Variants in HUWE1 observed in about 807,000 individuals in gnomAD.
HUWE1 encodes HECT, UBA and WWE domain containing E3 ubiquitin protein ligase 1, also known as E3 ubiquitin-protein ligase HUWE1.
A neutral mutation model predicts 299.4 loss-of-function variants in HUWE1; 18 were observed. The observed-to-expected ratio is 0.06, with a 90% CI of 0.04 to 0.09. The LOEUF (loss-of-function observed/expected upper bound fraction) is 0.09, where lower values mean the gene tolerates loss of function less well. Ranked by LOEUF, HUWE1 falls within the 10% of genes least tolerant of loss-of-function variation. HUWE1 has a pLI of 1.00. For missense variants in HUWE1, 1,832 were observed against 3,462.3 expected (o/e 0.53, Z 11.82); for synonymous variants, 1,317 against 1,286.1 (o/e 1.02, Z -0.51).
chrX:53,579,431 C>A (rs1263693892), intron 43 of HUWE1, among the ~76,000 whole-genome samples: 3 of 112,129 alleles, frequency 2.7e-5, no homozygotes, highest in African/African-American at 9.7e-5. Flanking sequence ...CCGGCCACGA[C>A]CCCGTCTGGG....
In HUWE1 at chrX:53,535,512, CA is replaced by C; in HGVS notation, c.12532-12del. 9.4e-7 allele frequency: 1 copy of C among 1,066,309 alleles called. No homozygotes were observed. The highest frequency in any genetic ancestry group is 1.3e-6 in the Non-Finnish European group (1 of 764,405). 87.9% of individuals were successfully genotyped at this position (1,066,309 alleles called of 1,213,427 possible). A position where few individuals can be genotyped will look rare whatever the true frequency, so the allele number is the denominator to read the frequency against. On this transcript the variant is annotated splice_polypyrimidine_tract_variant and intron_variant, in intron 80 of 83. Coordinates refer to ENST00000262854, the MANE Select transcript of HUWE1 (RefSeq NM_031407.7). ...TCCAAACTCTTGGACCTAGAACAAC[CA>C]AAACACCAATCATACATATCAGACT...
intron 74 of HUWE1, among the ~76,000 whole-genome samples, chrX:53,541,848 G>A (rs1413102471): frequency 9.0e-6 from 1 of 111,693 alleles, no homozygotes; most frequent in Non-Finnish European, 1.9e-5. Context: ...CTTAGGTGAT[G>A]GAGAAAGACC....
intron 7 of HUWE1, among the ~76,000 whole-genome samples, chrX:53,640,828 T>C (rs1015075765): frequency 2.7e-5 from 3 of 112,555 alleles, no homozygotes; most frequent in Admixed American, 1.9e-4. Context: ...CGATACTTTA[T>C]ATATGTGAGC....
Position 53,575,631 on chromosome X carries a change from G to C in HUWE1, c.6030+12C>G, listed in dbSNP as rs1556957935. 1.7e-6 allele frequency: 2 copies of C among 1,207,882 alleles called. No homozygotes were observed. The highest frequency in any genetic ancestry group is 2.2e-6 in the Non-Finnish European group (2 of 892,050). On this transcript the variant is annotated intron_variant, in intron 45 of 83. Transcript: ENST00000262854. ...TGAGAAGAAAGATAAAACGCTGTTG[G>C]AATTGACTTACATTAATGGAAAAAC...
intron 46 of HUWE1, among the ~76,000 whole-genome samples, chrX:53,574,425 A>C (rs189115488): frequency 5.7e-4 from 64 of 112,387 alleles, no homozygotes; most frequent in Non-Finnish European, 1.0e-3. Context: ...ATCCTGCATT[A>C]TAACTCTTGC....
chrX:53,564,481 G>A, intron 51 of HUWE1, 93 bp downstream of exon 51: 1 of 1,020,279 alleles, frequency 9.8e-7, no homozygotes, highest in Middle Eastern at 2.8e-4. Flanking sequence ...CAGCATTGAG[G>A]CAAGGATCTA....
At chrX:53,642,036 A>G (rs189681215) in intron 7 of HUWE1, among the ~76,000 whole-genome samples, 1 of 111,394 alleles carries the variant, frequency 9.0e-6, no homozygotes. Flanking sequence ...TTTTTTCCCT[A>G]TACATACATA....
At chrX:53,575,318 C>T in intron 45 of HUWE1, 97 bp from the exon 46 acceptor site, 1 of 647,786 alleles carries the variant, frequency 1.5e-6, no homozygotes, top group Non-Finnish European at 2.5e-6. Context: ...GGGAATGCCA[C>T]AGATTCTCTT....
chrX:53,569,634 C>T lies in HUWE1; in HGVS notation c.6506G>A (p.Ser2169Asn). ...ALGRALAMAE[S>N]TEKHARLQAV... ...ATCTTACCTGGCATGTTTCTCTGTA[C>T]TCTCAGCCATAGCCAGTGCCCGTCC... Residue 2169 changes from serine (S) to asparagine (N), a missense_variant, in exon 48 of 84, where the codon AGT (serine) becomes AAT (asparagine). By Grantham distance (46) the Ser-to-Asn change is conservative. This residue lies in a region of HUWE1 where 157 missense variants were observed against 252.3 expected (regional missense o/e 0.62). Transcript: ENST00000262854. 8.3e-7 allele frequency: 1 copy of T among 1,211,334 alleles called. No homozygotes were observed.
At position 53,538,821 on chromosome X, in the gene HUWE1, A is replaced by G. The variant is rs782511770; in HGVS notation, c.11878+14T>C. 24 of 1,199,645 alleles carry G rather than the reference A, an allele frequency of 2.0e-5. No individual in the cohort carries two copies. The East Asian group carries it at 5.4e-4, about 27-fold the overall frequency. On this transcript the variant is annotated intron_variant, in intron 76 of 83. Coordinates refer to ENST00000262854, the MANE Select transcript of HUWE1 (RefSeq NM_031407.7). ...GAAGCCTTCTACACCTGGCAGCCTAAAAGTTCCCTGTACCTGCAAAGCGAA... is the reference window on the plus strand; with the variant it reads ...GAAGCCTTCTACACCTGGCAGCCTAGAAGTTCCCTGTACCTGCAAAGCGAA...
At chrX:53,672,660 A>ATGGC (rs2069615438) in intron 3 of HUWE1, among the ~76,000 whole-genome samples, 1 of 111,815 alleles carries the variant, frequency 8.9e-6, no homozygotes, top group Non-Finnish European at 1.9e-5. Context: ...CTGTACATAT[A>ATGGC]AATCTAATAT....
chrX:53,668,165 C>T (rs782000892), intron 3 of HUWE1, among the ~76,000 whole-genome samples: 26 of 110,491 alleles, frequency 2.4e-4, no homozygotes, highest in Non-Finnish European at 4.4e-4. Context: ...CCTCCCCGGC[C>T]GGGCGCGGTG....
intron 49 of HUWE1, among the ~76,000 whole-genome samples, chrX:53,568,038 C>G (rs782294519): frequency 8.9e-6 from 1 of 111,928 alleles, no homozygotes; most frequent in African/African-American, 3.2e-5. Flanking sequence ...CTTCAACAAG[C>G]TGGAATCATG....
chrX:53,555,213 G>A (rs1232980344), intron 60 of HUWE1, among the ~76,000 whole-genome samples: 1 of 111,765 alleles, frequency 8.9e-6, no homozygotes, highest in Non-Finnish European at 1.9e-5. Context: ...GGCCATATAG[G>A]GTGAGGCTAA....
chrX:53,550,482 C>T (rs1446707777), intron 66 of HUWE1, among the ~76,000 whole-genome samples, 184 bp downstream of exon 66: 1 of 111,962 alleles, frequency 8.9e-6, no homozygotes, highest in African/African-American at 3.3e-5. Flanking sequence ...CAAGACTAAC[C>T]AAAAGGTGTA....
chrX:53,566,133 G>GTATATATATATATATA (rs71830310), intron 49 of HUWE1, among the ~76,000 whole-genome samples: 1 of 38,989 alleles, frequency 2.6e-5, no homozygotes, highest in African/African-American at 9.7e-5. Flanking sequence ...GTGTGTGTGT[G>GTATATATATATATATA]TATATATATA....
At chrX:53,548,322 G>A (rs1556925265) in intron 67 of HUWE1, 49 bp from the exon 68 acceptor site, 1 of 1,182,785 alleles carries the variant, frequency 8.5e-7, no homozygotes, top group African/African-American at 1.8e-5. Flanking sequence ...CTTCACAGAG[G>A]ATGAGCCTTC....
Position 53,655,177 on chromosome X carries a change from A to C in HUWE1, c.-24-1046T>G, listed in dbSNP as rs868970819. 4.5e-5 allele frequency among the ~76,000 whole-genome samples: 5 copies of C among 111,149 alleles called. No homozygotes were observed. In the South Asian group the frequency reaches 1.6e-3, roughly 35 times the overall value. On this transcript the variant is annotated intron_variant, in intron 3 of 83. Coordinates refer to ENST00000262854, the MANE Select transcript of HUWE1 (RefSeq NM_031407.7). Reference sequence around the variant, plus strand: ...GTGGGTTGCAGGCTCTTTACACACAAAAGATTCTGCTATTAACAATGTATT... The same window carrying C: ...GTGGGTTGCAGGCTCTTTACACACACAAGATTCTGCTATTAACAATGTATT...
rs1348788568 is a variant in HUWE1, at chrX:53,596,929, C to A, written c.3164-1526G>T. 4.4e-5 allele frequency among the ~76,000 whole-genome samples: 5 copies of A among 112,423 alleles called. No homozygotes were observed. The East Asian group carries it at 1.4e-3, about 31-fold the overall frequency. Reference sequence around the variant, plus strand: ...AACAAACAAAAGGAAATTAGTGAAGCTGTTGCTGCAGCTACACCAGCAGGC... The same window carrying A: ...AACAAACAAAAGGAAATTAGTGAAGATGTTGCTGCAGCTACACCAGCAGGC... On this transcript the variant is annotated intron_variant, in intron 29 of 83. Coordinates refer to ENST00000262854, the MANE Select transcript of HUWE1 (RefSeq NM_031407.7).
Sources: gnomAD v4.1 joint callset for allele counts (sites outside exome capture counted in the v4.1 genomes callset) on GRCh38, gnomAD v4.1.1 for gene constraint, gnomAD v4.1.1 regional missense constraint, MANE v1.5 for transcripts, NCBI Gene and HGNC (gene_info 2026-07-23, HGNC 2026-07-21) for gene names.